Variants in ARHGAP24 observed in about 807,000 individuals in gnomAD.
ARHGAP24 encodes rho GTPase-activating protein 24.
In ARHGAP24, 50 loss-of-function variants were observed where a neutral mutation model predicts 76.4. The observed-to-expected ratio is 0.65, with a 90% confidence interval of 0.52 to 0.83. ARHGAP24 has a LOEUF of 0.83. Among genes scored for constraint, ARHGAP24 ranks in the 40% least tolerant of loss-of-function variants. The probability of loss-of-function intolerance (pLI) is 0.00; values close to 1 mark genes in which losing one functional copy is unlikely to be tolerated. For synonymous variants in ARHGAP24, 345 were observed against 323.3 expected, an observed-to-expected ratio of 1.07 and a Z score of -0.72; for missense variants, 930 against 914.2, an observed-to-expected ratio of 1.02 and a Z score of -0.22.
At chr4:85,967,141 C>G (rs996234529) in intron 5 of ARHGAP24, among the ~76,000 whole-genome samples, 1 of 151,976 alleles carries the variant, frequency 6.6e-6, no homozygotes, top group Non-Finnish European at 1.5e-5. Flanking sequence ...TATGTTGCAC[C>G]TAGATGATAA....
chr4:85,973,440 T>C (rs78643584), intron 6 of ARHGAP24, among the ~76,000 whole-genome samples: 3,855 of 152,356 alleles, frequency 0.025, 195 homozygotes, highest in African/African-American at 0.089. Context: ...ATGTCCCTTA[T>C]AAATATGATT....
intron 5 of ARHGAP24, among the ~76,000 whole-genome samples, chr4:85,953,731 G>A (rs1397119698): frequency 6.6e-6 from 1 of 152,060 alleles, no homozygotes; most frequent in Non-Finnish European, 1.5e-5. Flanking sequence ...AGAGAGACTG[G>A]CAGAGAGCAG....
At chr4:85,741,110 A>G (rs1340129353) in intron 3 of ARHGAP24, among the ~76,000 whole-genome samples, 1 of 152,232 alleles carries the variant, frequency 6.6e-6, no homozygotes, top group African/African-American at 2.4e-5. Context: ...TCCCTTTCAC[A>G]TAACCATTTT....
At chr4:85,881,928 A>G (rs1356216289) in intron 3 of ARHGAP24, among the ~76,000 whole-genome samples, 2 of 152,224 alleles carry the variant, frequency 1.3e-5, no homozygotes, top group African/African-American at 4.8e-5. Context: ...GGCTTCTAGT[A>G]ACTCATCCAA....
intron 1 of ARHGAP24, among the ~76,000 whole-genome samples, chr4:85,498,165 G>A (rs961755555): frequency 6.3e-4 from 96 of 152,212 alleles, no homozygotes; most frequent in African/African-American, 2.0e-3. Flanking sequence ...AAGAATTTGT[G>A]ATAATGTGTC....
chr4:85,909,310 T>A lies in ARHGAP24; in HGVS notation c.269-14338T>A, dbSNP rs556403546. On this transcript the variant is annotated intron_variant, in intron 3 of 9. Transcript: ENST00000395184. ...GGGTTTTCTTTTGTTTTGTTTTTTT[T>A]AATTTGTGGTGTGTGTATGTATGTG... Among the ~76,000 whole-genome samples the A allele has an allele frequency of 2.6e-5, 4 of 152,198 alleles. No homozygotes were observed. In the South Asian group the frequency reaches 8.3e-4, roughly 32 times the overall value.
intron 2 of ARHGAP24, among the ~76,000 whole-genome samples, chr4:85,713,981 G>A (rs777513793): frequency 1.3e-5 from 2 of 152,142 alleles, no homozygotes; most frequent in Non-Finnish European, 2.9e-5. Context: ...ACAATTTTGA[G>A]AGTGTGATTG....
At chr4:85,575,740 C>G (rs1359139173) in intron 2 of ARHGAP24, among the ~76,000 whole-genome samples, 2 of 152,074 alleles carry the variant, frequency 1.3e-5, no homozygotes, top group East Asian at 3.9e-4. Flanking sequence ...ATAAATTTTC[C>G]TAATGGTTTT....
In ARHGAP24 at chr4:85,912,819, C is replaced by G. The variant is rs143927579; in HGVS notation, c.269-10829C>G. On this transcript the variant is annotated intron_variant, in intron 3 of 9. Coordinates refer to ENST00000395184, the MANE Select transcript of ARHGAP24 (RefSeq NM_001025616.3). ...ACCACCTTCCTTCCTTATTTTGCCC[C>G]CAGGTAGAGTTGTAAAGAAAACTGC... 3.0e-4 allele frequency among the ~76,000 whole-genome samples: 45 copies of G among 152,056 alleles called. No individual in the cohort carries two copies. In the East Asian group the frequency reaches 7.7e-3, roughly 26 times the overall value.
At chr4:85,624,203 T>G (rs1282927347) in intron 2 of ARHGAP24, among the ~76,000 whole-genome samples, 3 of 152,220 alleles carry the variant, frequency 2.0e-5, no homozygotes, top group Non-Finnish European at 4.4e-5. Flanking sequence ...GCCCATTCAG[T>G]ATGATATTGG....
At chr4:85,834,669 G>T (rs1241485697) in intron 3 of ARHGAP24, among the ~76,000 whole-genome samples, 1 of 152,204 alleles carries the variant, frequency 6.6e-6, no homozygotes, top group Non-Finnish European at 1.5e-5. Flanking sequence ...AAGTCAAAGG[G>T]TGAACAGAGA....
At chr4:85,621,611 T>TTC (rs1298596994) in intron 2 of ARHGAP24, among the ~76,000 whole-genome samples, 16 of 151,994 alleles carry the variant, frequency 1.1e-4, no homozygotes, top group Non-Finnish European at 2.1e-4. Flanking sequence ...TTTAATGGAG[T>TTC]TATTTTTTTT....
intron 2 of ARHGAP24, among the ~76,000 whole-genome samples, chr4:85,596,977 AC>A (rs1303072290): frequency 5.3e-5 from 8 of 152,138 alleles, no homozygotes; most frequent in African/African-American, 1.9e-4. Context: ...TCGTTTGTAA[AC>A]AAAAAGAAGA....
chr4:85,857,135 C>T (rs2110171195), intron 3 of ARHGAP24, among the ~76,000 whole-genome samples: 1 of 152,262 alleles, frequency 6.6e-6, no homozygotes, highest in South Asian at 2.1e-4. Flanking sequence ...GCACTTGTGC[C>T]TGGCTGTGTT....
chr4:85,847,904 C>A (rs1002332873), intron 3 of ARHGAP24, among the ~76,000 whole-genome samples: 2 of 152,114 alleles, frequency 1.3e-5, no homozygotes, highest in African/African-American at 2.4e-5. Context: ...TCCAGTAATG[C>A]ATCCCAGTGC....
chr4:85,570,922 C>A, intron 2 of ARHGAP24: 1 of 565,112 alleles, frequency 1.8e-6, no homozygotes, highest in Non-Finnish European at 3.1e-6. Context: ...GCAAATTATA[C>A]TTGTCTAATA....
rs10651032 is a variant in ARHGAP24, at chr4:85,562,420, T to TTGTG, written c.-20-8090_-20-8087dup. Among the ~76,000 whole-genome samples the TTGTG allele has an allele frequency of 4.0e-4, 61 of 151,450 alleles. No individual in the cohort carries two copies. The East Asian group carries it at 6.8e-3, about 17-fold the overall frequency. ...TCAGTACACTTAGTTTTATGTGAAT[T>TTGTG]TGTGTGTGTGTGTGTACGTGTGTCT... On this transcript the variant is annotated intron_variant, in intron 1 of 9. Transcript: ENST00000395184.
At chr4:85,700,394 TA>T (rs139515906) in intron 2 of ARHGAP24, among the ~76,000 whole-genome samples, 109 of 71,484 alleles carry the variant, frequency 1.5e-3, no homozygotes, top group African/African-American at 2.0e-3. Context: ...AGATTCTGTC[TA>T]AAAAAAAAAA....
At chr4:85,933,290 C>A (rs1189817947) in intron 4 of ARHGAP24, among the ~76,000 whole-genome samples, 1 of 152,116 alleles carries the variant, frequency 6.6e-6, no homozygotes, top group Non-Finnish European at 1.5e-5. Flanking sequence ...TATTTTTTTA[C>A]TGTTGTCAAA....
Sources: allele counts gnomAD v4.1 joint callset (sites outside exome capture counted in the v4.1 genomes callset), GRCh38; gene constraint gnomAD v4.1.1; transcripts MANE v1.5; gene names NCBI Gene and HGNC (gene_info 2026-07-23, HGNC 2026-07-21).